The following WNT6 variants were observed in gnomAD, a reference collection of about 807,000 sequenced individuals.
The protein encoded by WNT6 is protein Wnt-6.
Under a neutral mutation model 33.1 loss-of-function variants are expected in WNT6, and 27 were observed. The observed-to-expected ratio is 0.82, with a 90% CI of 0.60 to 1.12. WNT6 has a LOEUF of 1.12. Ranked by LOEUF, WNT6 falls within the 50% of genes most tolerant of loss-of-function variation. WNT6 has a pLI of 0.00. For synonymous variants in WNT6, 249 were observed against 242.8 expected, an observed-to-expected ratio of 1.03 and a Z score of -0.24; for missense variants, 494 against 535.3, an observed-to-expected ratio of 0.92 and a Z score of 0.76.
chr2:218,868,333 C>T (rs1403433037), intron 1 of WNT6, among the ~76,000 whole-genome samples: 2 of 152,200 alleles, frequency 1.3e-5, no homozygotes, highest in Non-Finnish European at 2.9e-5. Flanking sequence ...TGCTCATCTC[C>T]ACTCCCTCCT....
chr2:218,870,884 G>C, intron 1 of WNT6, 143 bp from the exon 2 acceptor site: 1 of 720,046 alleles, frequency 1.4e-6, no homozygotes, highest in Non-Finnish European at 2.3e-6. Flanking sequence ...AGCCAGACAG[G>C]ACAATCTCAA....
intron 1 of WNT6, among the ~76,000 whole-genome samples, chr2:218,866,560 C>G (rs1349713348): frequency 1.3e-5 from 2 of 152,126 alleles, no homozygotes; most frequent in African/African-American, 4.8e-5. Flanking sequence ...AAGACAAACA[C>G]CAGTTGTTGG....
intron 1 of WNT6, among the ~76,000 whole-genome samples, chr2:218,869,235 C>T (rs559245462): frequency 5.9e-5 from 9 of 151,754 alleles, no homozygotes; most frequent in South Asian, 2.1e-4. Context: ...CATGCGTGCA[C>T]GCATGAGAAT....
chr2:218,860,687 G>A (rs889419989), intron 1 of WNT6, among the ~76,000 whole-genome samples: 1 of 152,156 alleles, frequency 6.6e-6, no homozygotes, highest in Non-Finnish European at 1.5e-5. Context: ...GAAGGAACCG[G>A]ACCCAGGCGC....
chr2:218,862,386 C>T (rs999360471), intron 1 of WNT6, among the ~76,000 whole-genome samples: 16 of 152,136 alleles, frequency 1.1e-4, no homozygotes, highest in Admixed American at 3.3e-4. Context: ...CGTTCTGTCG[C>T]CCAGGCTGGA....
Position 218,873,278 on chromosome 2 carries a change from C to A in WNT6, c.637-106C>A, listed in dbSNP as rs1321675622. The A allele has an allele frequency of 1.7e-6, 2 of 1,152,210 alleles. No individual in the cohort carries two copies. The highest frequency in any genetic ancestry group is 4.9e-5 in the Admixed American group (2 of 40,472). The allele number at this position is 1,152,210 out of a possible 1,614,324, so 71.4% of individuals were successfully genotyped here. On this transcript the variant is annotated intron_variant, in intron 3 of 3. Coordinates refer to ENST00000233948, the MANE Select transcript of WNT6 (RefSeq NM_006522.4). The surrounding 1 kb of genome is among the most constrained non-coding windows in gnomAD (Gnocchi z 6.1). Reference sequence around the variant, plus strand: ...GGTCTCCTTTTGTCTGCATTTTCCTCTCTTCCTTTCACCTCCCATTCCCAA... The same window carrying A: ...GGTCTCCTTTTGTCTGCATTTTCCTATCTTCCTTTCACCTCCCATTCCCAA...
chr2:218,861,159 G>GAT (rs1367410984), intron 1 of WNT6, among the ~76,000 whole-genome samples: 1 of 152,192 alleles, frequency 6.6e-6, no homozygotes, highest in Admixed American at 6.5e-5. Context: ...AAGAGAGGCA[G>GAT]ATCCCCGTGC....
intron 1 of WNT6, among the ~76,000 whole-genome samples, chr2:218,861,236 CG>C: frequency 6.6e-6 from 1 of 152,214 alleles, no homozygotes; most frequent in Admixed American, 6.5e-5. Context: ...CTCCGTGATG[CG>C]GAGAGCCGTC....
chr2:218,870,382 C>T (rs1468241828), intron 1 of WNT6, among the ~76,000 whole-genome samples: 2 of 152,152 alleles, frequency 1.3e-5, no homozygotes, highest in Non-Finnish European at 2.9e-5. Flanking sequence ...GGAGGGCCCA[C>T]CTTAGAGATG....
Position 218,871,918 on chromosome 2 carries a change from G to A in WNT6, c.636+99G>A. 1.6e-6 allele frequency: 1 copy of A among 612,566 alleles called. No individual in the cohort carries two copies. Among genetic ancestry groups the A allele is most frequent in the Non-Finnish European group, 2.3e-6 (1 of 432,070 alleles). The allele number at this position is 612,566 out of a possible 1,614,324, so 37.9% of individuals were successfully genotyped here. A position where few individuals can be genotyped will look rare whatever the true frequency, so the allele number is the denominator to read the frequency against. ...TTGGCAGGAGTGAGGGTGTGTAGGT[G>A]GAGGGGGGCGTTAATGTGTGGGGGA... On this transcript the variant is annotated intron_variant, in intron 3 of 3. Coordinates refer to ENST00000233948, the MANE Select transcript of WNT6 (RefSeq NM_006522.4). This position sits in a 1 kb window ranked among gnomAD's most constrained non-coding sequence, Gnocchi z 6.4.
Position 218,874,019 on chromosome 2 carries a change from A to T in WNT6, c.*174A>T, listed in dbSNP as rs994856944. 19 of 756,104 alleles carry T rather than the reference A, an allele frequency of 2.5e-5. No homozygotes were observed. The East Asian group carries it at 4.5e-4, about 18-fold the overall frequency. 46.8% of individuals were successfully genotyped at this position (756,104 alleles called of 1,614,324 possible). A position where few individuals can be genotyped will look rare whatever the true frequency, so the allele number is the denominator to read the frequency against. On this transcript the variant is annotated 3_prime_UTR_variant, in exon 4 of 4. Transcript: ENST00000233948. ...AGGGGCTTGAGAGGAACGCCCACCCACGAAGGCCCAGGGCGCCAGACGGCC... is the reference window on the plus strand; with the variant it reads ...AGGGGCTTGAGAGGAACGCCCACCCTCGAAGGCCCAGGGCGCCAGACGGCC...
intron 1 of WNT6, among the ~76,000 whole-genome samples, chr2:218,862,170 G>A (rs1944315078): frequency 6.6e-6 from 1 of 152,122 alleles, no homozygotes; most frequent in African/African-American, 2.4e-5. Flanking sequence ...AGAACACAGA[G>A]GCCTTCATGG....
intron 1 of WNT6, among the ~76,000 whole-genome samples, chr2:218,868,938 CCTT>C (rs779304950): frequency 5.3e-5 from 8 of 152,110 alleles, no homozygotes; most frequent in Non-Finnish European, 8.8e-5. Context: ...TGCCTCCAAT[CCTT>C]CTTATAATGA....
chr2:218,873,528 A>C lies in WNT6; in HGVS notation c.781A>C (p.Met261Leu), dbSNP rs1317262363. Residue 261 changes from methionine to leucine, a missense_variant, in exon 4 of 4, where the codon ATG becomes CTG. By Grantham distance (15) the Met-to-Leu change is conservative. Coordinates refer to ENST00000233948, the MANE Select transcript of WNT6 (RefSeq NM_006522.4). This position sits in a 1 kb window ranked among gnomAD's most constrained non-coding sequence, Gnocchi z 6.1. ...LERFHGASRV[M>L]GTNDGKALLP... ...GCGCTTCCACGGCGCCTCACGCGTC[A>C]TGGGCACCAACGACGGCAAGGCCCT... 3.9e-6 allele frequency: 6 copies of C among 1,538,118 alleles called. No homozygotes were observed. The Admixed American group carries it at 1.2e-4, about 30-fold the overall frequency.
At chr2:218,869,633 C>G (rs1183090866) in intron 1 of WNT6, among the ~76,000 whole-genome samples, 1 of 152,220 alleles carries the variant, frequency 6.6e-6, no homozygotes, top group African/African-American at 2.4e-5. Flanking sequence ...AGATGCTCTA[C>G]TCATTCATTT....
chr2:218,872,559 T>G (rs1210869983), intron 3 of WNT6, among the ~76,000 whole-genome samples: 1 of 152,126 alleles, frequency 6.6e-6, no homozygotes, highest in Non-Finnish European at 1.5e-5. Flanking sequence ...GTGTGATGGT[T>G]CCAGGAGGGG....
chr2:218,873,614 T>G lies in WNT6; in HGVS notation c.867T>G (p.Asp289Glu). 2 of 1,571,004 alleles carry G rather than the reference T, an allele frequency of 1.3e-6. No homozygotes were observed. Among genetic ancestry groups the G allele is most frequent in the Non-Finnish European group, 1.7e-6 (2 of 1,165,052 alleles). Residue 289 changes from aspartate (D) to glutamate (E), a missense_variant, in exon 4 of 4, where the codon GAT (aspartate) becomes GAG (glutamate). Physicochemically the swap from Asp to Glu is conservative, Grantham distance 45. Transcript: ENST00000233948. This position sits in a 1 kb window ranked among gnomAD's most constrained non-coding sequence, Gnocchi z 6.1. ...PGRADLLYAADSPDFCAPNRR... is the reference protein window; with the variant it reads ...PGRADLLYAAESPDFCAPNRR... ...GAGCGGACCTCCTCTACGCCGCCGA[T>G]TCGCCCGACTTCTGCGCCCCCAACC...
intron 1 of WNT6, among the ~76,000 whole-genome samples, chr2:218,862,593 G>A (rs1363875649): frequency 3.9e-5 from 6 of 152,326 alleles, no homozygotes; most frequent in Non-Finnish European, 5.9e-5. Flanking sequence ...GTGTTGGTCA[G>A]GCTGGTCTCA....
At chr2:218,870,062 T>C (rs1283945054) in intron 1 of WNT6, among the ~76,000 whole-genome samples, 1 of 151,696 alleles carries the variant, frequency 6.6e-6, no homozygotes, top group African/African-American at 2.4e-5. Flanking sequence ...CTACTAAAAG[T>C]ACAAAAAAAT....
Sources: gnomAD v4.1 joint callset for allele counts (sites outside exome capture counted in the v4.1 genomes callset) on GRCh38, gnomAD v4.1.1 for gene constraint, Gnocchi (gnomAD v3.1) non-coding constraint, MANE v1.5 for transcripts, NCBI Gene and HGNC (gene_info 2026-07-23, HGNC 2026-07-21) for gene names.